The following MILR1 variants were observed in gnomAD, a reference collection of about 807,000 sequenced individuals.
MILR1 encodes allergin-1.
A neutral mutation model predicts 18.5 loss-of-function variants in MILR1; 31 were observed. The observed-to-expected ratio is 1.68, with a 90% CI of 1.26 to 2.26. The LOEUF (loss-of-function observed/expected upper bound fraction) is 2.26. Ranked by LOEUF, MILR1 falls within the 30% of genes most tolerant of loss-of-function variation. The pLI is 0.00. For synonymous variants in MILR1, 85 were observed against 56.2 expected (o/e 1.51, Z -2.30); for missense variants, 257 against 157.4 (o/e 1.63, Z -3.38).
the MILR1 span, chr17:64,497,055 C>T: frequency 2.3e-5 from 31 of 1,365,278 alleles, no homozygotes; most frequent in Non-Finnish European, 3.1e-5. Context: ...CCGGAGAGGC[C>T]ACGGCGCAGG....
intron 4 of MILR1, among the ~76,000 whole-genome samples, chr17:64,459,908 C>T (rs2037384459): frequency 6.6e-6 from 1 of 152,124 alleles, no homozygotes; most frequent in Non-Finnish European, 1.5e-5. Flanking sequence ...AAATTCTGTG[C>T]TGCTTTTCTC....
At chr17:64,470,596 G>A (rs1430790107), downstream of MILR1, among the ~76,000 whole-genome samples, 3 of 152,096 alleles carry the variant, frequency 2.0e-5, no homozygotes, top group African/African-American at 7.2e-5. Context: ...ATTCTCAAAT[G>A]TCCACATCCC....
intron 5 of MILR1, among the ~76,000 whole-genome samples, chr17:64,462,936 T>C: frequency 6.6e-6 from 1 of 151,976 alleles, no homozygotes; most frequent in Non-Finnish European, 1.5e-5. Context: ...CACAGTTACT[T>C]TTGCACCAAC....
the MILR1 span, among the ~76,000 whole-genome samples, chr17:64,489,998 C>T: frequency 1.9e-4 from 29 of 151,736 alleles, no homozygotes; most frequent in Admixed American, 1.3e-4. Context: ...GATCTTGGCT[C>T]ATCGCAACCT....
At chr17:64,481,538 C>T in the MILR1 span, 2 of 386,848 alleles carry the variant, frequency 5.2e-6, no homozygotes, top group South Asian at 2.1e-4. Flanking sequence ...AATTATAGAT[C>T]TAGAATATCT....
At chr17:64,492,841 G>T in the MILR1 span, 2 of 1,606,466 alleles carry the variant, frequency 1.2e-6, no homozygotes, top group South Asian at 2.2e-5. Flanking sequence ...AAGTGGAAAT[G>T]ACTGGTTTTT....
In MILR1 at chr17:64,449,203, G is replaced by A. The variant is rs1339007985; in HGVS notation, c.35G>A (p.Ser12Asn). 4.4e-4 allele frequency: 209 copies of A among 472,902 alleles called. No homozygotes were observed. The highest frequency in any genetic ancestry group is 7.4e-5 in the Non-Finnish European group (19 of 257,944). The allele number at this position is 472,902 out of a possible 1,614,324, so 29.3% of individuals were successfully genotyped here. Residue 12 changes from serine to asparagine, a missense_variant, in exon 1 of 10, where the codon AGC becomes AAC. Transcript: ENST00000619286. ...CATTTGAACAGGCTCCTCTTCTGGAGCATATTTTCTTCTGTCACTTGTAAG... is the reference window on the plus strand; with the variant it reads ...CATTTGAACAGGCTCCTCTTCTGGAACATATTTTCTTCTGTCACTTGTAAG... The part of the protein sequence containing the change: ...WSHLNRLLFW[S>N]IFSSVTCRKA...
the MILR1 span, among the ~76,000 whole-genome samples, chr17:64,489,111 T>C: frequency 6.6e-6 from 1 of 150,996 alleles, no homozygotes; most frequent in Non-Finnish European, 1.5e-5. Flanking sequence ...CTGATGATCC[T>C]GGAACAATAT....
chr17:64,463,576 G>C (rs2037479669), intron 5 of MILR1, among the ~76,000 whole-genome samples: 3 of 152,188 alleles, frequency 2.0e-5, no homozygotes, highest in African/African-American at 7.2e-5. Context: ...ACCATCTCCA[G>C]AGAGTCACAA....
rs200977748 is a variant in MILR1, at chr17:64,453,072, CT to C, written c.367+220del. 3.0e-3 allele frequency among the ~76,000 whole-genome samples: 429 copies of C among 140,842 alleles called. 1 individual carries two copies. Among genetic ancestry groups the C allele is most frequent in the Non-Finnish European group, 2.9e-3 (187 of 64,108 alleles). 92.4% of individuals were successfully genotyped at this position (140,842 alleles called of 152,430 possible). On this transcript the variant is annotated intron_variant, in intron 3 of 9. Transcript: ENST00000619286. ...TTTTTTAATTTTTGAGATCTCTATT[CT>C]TTTTTTTTTTTTTGAAACAGAGTCT... is the stretch of plus-strand genomic sequence containing the variant.
chr17:64,462,717 A>T (rs996327656), intron 5 of MILR1, among the ~76,000 whole-genome samples: 2 of 150,272 alleles, frequency 1.3e-5, no homozygotes, highest in African/African-American at 2.5e-5. Flanking sequence ...CTCGGCTCAC[A>T]GCAGCCTCTG....
In MILR1 at chr17:64,465,740, A is replaced by G. The variant is rs141818271; in HGVS notation, c.853+199A>G. Among the ~76,000 whole-genome samples, 504 of 152,354 alleles carry G rather than the reference A, an allele frequency of 3.3e-3. 2 individuals are homozygous for G. Among genetic ancestry groups the G allele is most frequent in the African/African-American group, 0.011 (458 of 41,594 alleles). ...CAGATATTCTGTGTGTATAATAAAC[A>G]AATGGTAGTGATTGTAGCATATTGT... On this transcript the variant is annotated intron_variant, in intron 6 of 9. Transcript: ENST00000619286.
At chr17:64,496,847 C>T in the MILR1 span, 478 of 1,613,876 alleles carry the variant, frequency 3.0e-4, 2 homozygotes, top group African/African-American at 5.9e-3. Context: ...CACATGCCCT[C>T]CTTTGGGGCT....
the MILR1 span, among the ~76,000 whole-genome samples, chr17:64,497,208 C>G: frequency 6.6e-6 from 1 of 152,226 alleles, no homozygotes. Context: ...GCGTCGCGCC[C>G]CTCCCTTCAG....
At chr17:64,474,837 A>G in the MILR1 span, among the ~76,000 whole-genome samples, 2 of 152,154 alleles carry the variant, frequency 1.3e-5, no homozygotes, top group African/African-American at 4.8e-5. Flanking sequence ...GCTCCTTGGA[A>G]TATACAATCT....
the MILR1 span, among the ~76,000 whole-genome samples, chr17:64,489,203 T>C: frequency 1.3e-5 from 2 of 151,508 alleles, no homozygotes; most frequent in African/African-American, 2.4e-5. Context: ...CTAGGACAAT[T>C]TGACCATCAA....
intron 3 of MILR1, among the ~76,000 whole-genome samples, chr17:64,454,948 C>A (rs1291656822): frequency 1.3e-5 from 2 of 152,102 alleles, no homozygotes; most frequent in Non-Finnish European, 2.9e-5. Flanking sequence ...CTGCAGTGAG[C>A]TGTGATTGCA....
At chr17:64,493,042 C>T in the MILR1 span, 186 of 1,613,416 alleles carry the variant, frequency 1.2e-4, no homozygotes, top group African/African-American at 2.3e-3. Context: ...ATAAATCAAT[C>T]ATTGTATACA....
chr17:64,477,790 A>C, the MILR1 span: 1 of 1,529,416 alleles, frequency 6.5e-7, no homozygotes, highest in Admixed American at 2.0e-5. Flanking sequence ...CCAAATTAGG[A>C]GAGAAGAATA....
Sources: gnomAD v4.1 joint callset for allele counts (sites outside exome capture counted in the v4.1 genomes callset) on GRCh38, gnomAD v4.1.1 for gene constraint, MANE v1.5 for transcripts, NCBI Gene and HGNC (gene_info 2026-07-23, HGNC 2026-07-21) for gene names.